GABRB3: variants seen among roughly 807,000 people sequenced by gnomAD.
GABRB3 encodes the protein gamma-aminobutyric acid receptor subunit beta-3.
In GABRB3, 14 loss-of-function variants were observed where a neutral mutation model predicts 52.1. The ratio of observed to expected loss-of-function variants is 0.27; its 90% CI spans 0.18 to 0.42. The LOEUF (loss-of-function observed/expected upper bound fraction) is 0.42. Among genes scored for constraint, GABRB3 ranks in the 10% least tolerant of loss-of-function variants. GABRB3 has a pLI of 1.00. For synonymous variants in GABRB3, 260 were observed against 232.3 expected (o/e 1.12, Z -1.08); for missense variants, 307 against 609.1 (o/e 0.50, Z 5.22).
chr15:26,664,704 GTT>G lies in GABRB3; in HGVS notation c.241-43172_241-43171del, dbSNP rs1162139952. Among the ~76,000 whole-genome samples, 925 of 95,204 alleles carry G rather than the reference GTT, an allele frequency of 9.7e-3. 6 individuals carry two copies. Among genetic ancestry groups the G allele is most frequent in the East Asian group, 0.086 (240 of 2,784 alleles). 62.5% of individuals were successfully genotyped at this position (95,204 alleles called of 152,430 possible). A position where few individuals can be genotyped will look rare whatever the true frequency, so the allele number is the denominator to read the frequency against. ...CCTTATCATTTCTTTTCTTTTCTTT[GTT>G]TTTTTTTTTTTTTTTTTGGTGGAGT... On this transcript the variant is annotated intron_variant, in intron 3 of 8. Transcript: ENST00000311550.
rs778442239 is a variant in GABRB3, at chr15:26,560,933, C to G, written c.1079G>C (p.Arg360Pro). Residue 360 changes from arginine (R) to proline (P), a missense_variant and splice_region_variant, in exon 8 of 9, where the codon CGG (arginine) becomes CCG (proline). By Grantham distance (103) the Arg-to-Pro change is moderately radical. This residue lies in a region of GABRB3 where 115 missense variants were observed against 166.9 expected (regional missense o/e 0.69). Coordinates refer to ENST00000311550, the MANE Select transcript of GABRB3 (RefSeq NM_000814.6). ...GGGTCAAGGTGGTGGAGAGCCTACC[C>G]GGTTGCTTTCGCTCTTTGAACGGTC... ...KNDRSKSESN[R>P]VDAHGNILLT... 6.2e-7 allele frequency: 1 copy of G among 1,613,734 alleles called. No individual in the cohort carries two copies. Among genetic ancestry groups the G allele is most frequent in the Admixed American group, 1.7e-5 (1 of 60,024 alleles).
chr15:26,566,102 G>A (rs1245649306), intron 7 of GABRB3, among the ~76,000 whole-genome samples: 1 of 152,144 alleles, frequency 6.6e-6, no homozygotes, highest in Non-Finnish European at 1.5e-5. Flanking sequence ...GGGAAGATCT[G>A]CAGGCTGTAG....
chr15:26,686,493 G>A (rs1888410279), intron 3 of GABRB3, among the ~76,000 whole-genome samples: 1 of 152,172 alleles, frequency 6.6e-6, no homozygotes, highest in African/African-American at 2.4e-5. Flanking sequence ...TATACACAAA[G>A]CTCTAAAAAT....
At chr15:26,625,559 G>A (rs1489565195) in intron 3 of GABRB3, 1 of 894,726 alleles carries the variant, frequency 1.1e-6, no homozygotes, top group African/African-American at 1.8e-5. Context: ...GATACTTTGA[G>A]ACTTTAAAAG....
chr15:26,547,248 C>G lies in GABRB3; in HGVS notation c.*545G>C. The G allele has an allele frequency of 3.1e-6, 1 of 322,810 alleles. No individual in the cohort carries two copies. Among genetic ancestry groups the G allele is most frequent in the Non-Finnish European group, 5.6e-6 (1 of 178,834 alleles). The allele number at this position is 322,810 out of a possible 1,614,324, so 20.0% of individuals were successfully genotyped here. ...CCCCATCACCAGAGAAGCCAAGAAG[C>G]CTTTGCTTACTAAACTGAACGAGAG... On this transcript the variant is annotated 3_prime_UTR_variant, in exon 9 of 9. Coordinates refer to ENST00000311550, the MANE Select transcript of GABRB3 (RefSeq NM_000814.6).
intron 3 of GABRB3, among the ~76,000 whole-genome samples, chr15:26,656,204 C>A (rs1174023552): frequency 6.6e-6 from 1 of 152,164 alleles, no homozygotes; most frequent in Non-Finnish European, 1.5e-5. Flanking sequence ...CCTGCCTGGG[C>A]TTCAGCCTCC....
intron 3 of GABRB3, chr15:26,642,613 C>G (rs1349970119): frequency 1.5e-6 from 1 of 687,846 alleles, no homozygotes; most frequent in Non-Finnish European, 2.2e-6. Flanking sequence ...TACACATAAT[C>G]CCCCCTCCTC....
intron 3 of GABRB3, among the ~76,000 whole-genome samples, chr15:26,689,348 TCA>T (rs1445887298): frequency 3.3e-5 from 5 of 152,134 alleles, no homozygotes; most frequent in Non-Finnish European, 5.9e-5. Context: ...TCATAAAGGG[TCA>T]CAGCCTGCAT....
intron 4 of GABRB3, among the ~76,000 whole-genome samples, chr15:26,620,989 C>T (rs537737353): frequency 6.6e-6 from 1 of 152,216 alleles, no homozygotes; most frequent in East Asian, 1.9e-4. Context: ...ACTGCAGTGT[C>T]AGGGCGATAT....
At position 26,594,275 on chromosome 15, in the gene GABRB3, A is replaced by AT. The variant is rs113566846; in HGVS notation, c.462-10862dup. Among the ~76,000 whole-genome samples the AT allele has an allele frequency of 8.1e-4, 123 of 151,120 alleles. 1 individual carries two copies. Among genetic ancestry groups the AT allele is most frequent in the African/African-American group, 2.7e-3 (113 of 41,224 alleles). ...TTCCTCTTTCTTTGTATGCTTTGTGATTTTTTTTCCCCTGAAACTTGGGCA... is the reference window on the plus strand; with the variant it reads ...TTCCTCTTTCTTTGTATGCTTTGTGATTTTTTTTTCCCCTGAAACTTGGGCA... On this transcript the variant is annotated intron_variant, in intron 4 of 8. Coordinates refer to ENST00000311550, the MANE Select transcript of GABRB3 (RefSeq NM_000814.6).
intron 3 of GABRB3, among the ~76,000 whole-genome samples, chr15:26,667,828 TCAGAGG>T (rs1239272186): frequency 6.6e-6 from 1 of 152,170 alleles, no homozygotes; most frequent in Non-Finnish European, 1.5e-5. Flanking sequence ...TCCACGTGAC[TCAGAGG>T]CATGCTCAAG....
chr15:26,709,369 T>C (rs1326942554), intron 3 of GABRB3, among the ~76,000 whole-genome samples: 1 of 152,110 alleles, frequency 6.6e-6, no homozygotes, highest in African/African-American at 2.4e-5. Flanking sequence ...TTGTTCCCTC[T>C]TTCTCCATAG....
intron 3 of GABRB3, among the ~76,000 whole-genome samples, chr15:26,746,636 T>G (rs1890350181): frequency 6.6e-6 from 1 of 151,796 alleles, no homozygotes; most frequent in Non-Finnish European, 1.5e-5. Flanking sequence ...CAAAGTCATT[T>G]GCCCATCACC....
rs565712269 is a variant in GABRB3, at chr15:26,746,836, A to T, written c.240+25566T>A. Among the ~76,000 whole-genome samples the T allele has an allele frequency of 4.6e-5, 7 of 152,224 alleles. 1 individual carries two copies. The highest frequency in any genetic ancestry group is 1.7e-4 in the African/African-American group (7 of 41,544). On this transcript the variant is annotated intron_variant, in intron 3 of 8. Coordinates refer to ENST00000311550, the MANE Select transcript of GABRB3 (RefSeq NM_000814.6). ...CCCCATCTCTACTAAAAATACAAAA[A>T]ATTAGCCGGGCGTGGTGGCGGGCAC...
intron 4 of GABRB3, among the ~76,000 whole-genome samples, chr15:26,589,159 A>AT (rs1420098814): frequency 6.6e-6 from 1 of 152,188 alleles, no homozygotes; most frequent in African/African-American, 2.4e-5. Context: ...TGGCATTAGC[A>AT]TTTCCATTTT....
In GABRB3 at chr15:26,645,940, T is replaced by C. The variant is rs143118284; in HGVS notation, c.241-24406A>G. ...TCGTGGCACAAGAAGATTAAAACAA[T>C]GTCTCCAATTTTAATAAATTTTTGC... On this transcript the variant is annotated intron_variant, in intron 3 of 8. Coordinates refer to ENST00000311550, the MANE Select transcript of GABRB3 (RefSeq NM_000814.6). 9.1e-3 allele frequency among the ~76,000 whole-genome samples: 1,388 copies of C among 151,938 alleles called. 28 individuals are homozygous for C. Among genetic ancestry groups the C allele is most frequent in the African/African-American group, 0.032 (1,327 of 41,422 alleles).
Position 26,772,304 on chromosome 15 carries a change from C to G in GABRB3, c.240+98G>C. ...CCTCTGCGGACCGGGGAAACTCGGC[C>G]CCGGCCGAAGAGGCCTCCGGCCCAG... is the stretch of plus-strand genomic sequence containing the variant. On this transcript the variant is annotated intron_variant, in intron 3 of 8. Coordinates refer to ENST00000311550, the MANE Select transcript of GABRB3 (RefSeq NM_000814.6). 3 of 1,099,342 alleles carry G rather than the reference C, an allele frequency of 2.7e-6. No individual in the cohort carries two copies. The Admixed American group carries it at 6.6e-5, about 24-fold the overall frequency. The allele number at this position is 1,099,342 out of a possible 1,614,324, so 68.1% of individuals were successfully genotyped here.
upstream of GABRB3, chr15:26,773,153 C>T (rs910976545): frequency 6.9e-5 from 21 of 302,874 alleles, no homozygotes; most frequent in African/African-American, 4.6e-4. Context: ...GAGGGAGGAG[C>T]GCGCGCGGGC....
At position 26,752,134 on chromosome 15, in the gene GABRB3, A is replaced by G. The variant is rs370620226; in HGVS notation, c.240+20268T>C. ...TTCCTTTCTGGTTCTCCCTGTAACC[A>G]CAGTACCTAAGGGAAGGGTGATCAG... is the stretch of plus-strand genomic sequence containing the variant. On this transcript the variant is annotated intron_variant, in intron 3 of 8. Coordinates refer to ENST00000311550, the MANE Select transcript of GABRB3 (RefSeq NM_000814.6). Among the ~76,000 whole-genome samples, 81 of 152,306 alleles carry G rather than the reference A, an allele frequency of 5.3e-4. 2 individuals carry two copies. The East Asian group carries it at 7.9e-3, about 15-fold the overall frequency.
Sources: allele counts gnomAD v4.1 joint callset (sites outside exome capture counted in the v4.1 genomes callset), GRCh38; gene constraint gnomAD v4.1.1; regional missense constraint gnomAD v4.1.1; transcripts MANE v1.5; gene names NCBI Gene and HGNC (gene_info 2026-07-23, HGNC 2026-07-21).